The following ATP2A2 variants were observed in gnomAD, a reference collection of about 807,000 sequenced individuals.
ATP2A2 encodes ATPase sarcoplasmic/endoplasmic reticulum Ca2+ transporting 2.
A neutral mutation model predicts 109.3 loss-of-function variants in ATP2A2; 14 were observed. That is an observed-to-expected ratio of 0.13 (90% CI 0.08 to 0.20). The LOEUF (loss-of-function observed/expected upper bound fraction) is 0.20, where lower values mean the gene tolerates loss of function less well. Ranked by LOEUF, ATP2A2 falls within the 10% of genes least tolerant of loss-of-function variation. The probability of loss-of-function intolerance (pLI) is 1.00; values close to 1 mark genes in which losing one functional copy is unlikely to be tolerated. For synonymous variants in ATP2A2, 506 were observed against 490.9 expected (o/e 1.03, Z -0.41); for missense variants, 657 against 1,321.6 (o/e 0.50, Z 7.80).
At position 110,282,517 on chromosome 12, in the gene ATP2A2, A is replaced by G. The variant is rs191058402; in HGVS notation, c.119-87A>G. 412 of 1,512,758 alleles carry G rather than the reference A, an allele frequency of 2.7e-4. 2 individuals are homozygous for G. In the African/African-American group the frequency reaches 5.3e-3, roughly 20 times the overall value. 93.7% of individuals were successfully genotyped at this position (1,512,758 alleles called of 1,614,324 possible). ...GCTTAGAATTGTAGCAGTTCTTTTT[A>G]GAAAAACGAAGTGCTAAAATGTCTC... On this transcript the variant is annotated intron_variant, in intron 1 of 19. Transcript: ENST00000539276.
Position 110,327,605 on chromosome 12 carries a change from T to C in ATP2A2, c.683T>C (p.Val228Ala), listed in dbSNP as rs1352765498. 1.2e-6 allele frequency: 2 copies of C among 1,613,828 alleles called. No individual in the cohort carries two copies. The highest frequency in any genetic ancestry group is 3.3e-5 in the Admixed American group (2 of 59,954). ...ATGGGAGTGGTGGTAGCAACTGGAG[T>C]TAACACCGAAATTGGCAAGATCCGG... The part of the protein sequence containing the change: ...KAMGVVVATG[V>A]NTEIGKIRDE... The change falls in exon 8 of 20, where the codon GTT (valine) becomes GCT (alanine). Residue 228 changes from valine (V) to alanine (A), a missense_variant. Val to Ala is a moderately conservative substitution (Grantham distance 64, BLOSUM62 0). Coordinates refer to ENST00000539276, the MANE Select transcript of ATP2A2 (RefSeq NM_170665.4). The surrounding 1 kb of genome is among the most constrained non-coding windows in gnomAD (Gnocchi z 4.4).
At position 110,341,143 on chromosome 12, in the gene ATP2A2, G is replaced by A. The variant is rs892547155; in HGVS notation, c.2097+149G>A. 18 of 913,818 alleles carry A rather than the reference G, an allele frequency of 2.0e-5. No homozygotes were observed. In the African/African-American group the frequency reaches 2.6e-4, roughly 13 times the overall value. 56.6% of individuals were successfully genotyped at this position (913,818 alleles called of 1,614,324 possible). ...TTCTCTAGAATTCGGTGAATCAGTG[G>A]TTAGCATGTTGTGTGCTACTTGCAG... On this transcript the variant is annotated intron_variant, in intron 14 of 19. Coordinates refer to ENST00000539276, the MANE Select transcript of ATP2A2 (RefSeq NM_170665.4).
chr12:110,323,099 A>G lies in ATP2A2; in HGVS notation c.544+27A>G, dbSNP rs563659266. 9 of 1,545,662 alleles carry G rather than the reference A, an allele frequency of 5.8e-6. No homozygotes were observed. In the African/African-American group the frequency reaches 9.5e-5, roughly 16 times the overall value. ...TAAATATGATATATTAAGTCATTGA[A>G]TTTCTGAAGACCTTCGCATATTCCA... On this transcript the variant is annotated intron_variant, in intron 6 of 19. Coordinates refer to ENST00000539276, the MANE Select transcript of ATP2A2 (RefSeq NM_170665.4).
intron 5 of ATP2A2, among the ~76,000 whole-genome samples, chr12:110,307,235 TTTTTC>T (rs2137754250): frequency 6.8e-6 from 1 of 147,390 alleles, no homozygotes; most frequent in African/African-American, 2.5e-5. Flanking sequence ...TTTTTTTTTT[TTTTTC>T]TTTTTTTTTG....
intron 5 of ATP2A2, among the ~76,000 whole-genome samples, chr12:110,297,638 G>A (rs1184579412): frequency 6.6e-6 from 1 of 151,482 alleles, no homozygotes; most frequent in Non-Finnish European, 1.5e-5. Flanking sequence ...TGTTTTTTGA[G>A]ATGGGAGTCT....
Position 110,350,982 on chromosome 12 carries a change from C to T in ATP2A2, c.*4512C>T, listed in dbSNP as rs1394341897. On this transcript the variant is annotated 3_prime_UTR_variant, in exon 20 of 20. Coordinates refer to ENST00000539276, the MANE Select transcript of ATP2A2 (RefSeq NM_170665.4). ...AATGCTAAATGTCAATTTATCACTG[C>T]GCATGTTTGACTTTAGACTGTAAAT... 2.0e-5 allele frequency: 3 copies of T among 153,248 alleles called. No homozygotes were observed. The highest frequency in any genetic ancestry group is 4.8e-5 in the African/African-American group (2 of 41,454). The allele number at this position is 153,248 out of a possible 1,614,324, so 9.5% of individuals were successfully genotyped here. A position where few individuals can be genotyped will look rare whatever the true frequency, so the allele number is the denominator to read the frequency against.
chr12:110,309,709 C>G (rs1263750033), intron 5 of ATP2A2, among the ~76,000 whole-genome samples: 1 of 151,930 alleles, frequency 6.6e-6, no homozygotes, highest in Non-Finnish European at 1.5e-5. Flanking sequence ...AGTTTGAGAC[C>G]AGCCTGGGCA....
chr12:110,309,047 T>C (rs140294821), intron 5 of ATP2A2, among the ~76,000 whole-genome samples: 3 of 151,972 alleles, frequency 2.0e-5, no homozygotes, highest in African/African-American at 4.8e-5. Flanking sequence ...TTGGAAGATA[T>C]CTGGTAGGAT....
chr12:110,310,077 T>C (rs1875848776), intron 5 of ATP2A2, among the ~76,000 whole-genome samples: 1 of 152,194 alleles, frequency 6.6e-6, no homozygotes, highest in Non-Finnish European at 1.5e-5. Flanking sequence ...TTAAGCTTTC[T>C]GTATTATCTG....
Position 110,327,819 on chromosome 12 carries a change from A to C in ATP2A2, c.897A>C (p.Ala299=), listed in dbSNP as rs761165682. The C allele has an allele frequency of 6.2e-7, 1 of 1,614,190 alleles. No homozygotes were observed. The highest frequency in any genetic ancestry group is 1.3e-5 in the African/African-American group (1 of 75,058). Residue 299 remains alanine, a synonymous_variant, in exon 8 of 20, where the codon GCA becomes GCC. Transcript: ENST00000539276. This position sits in a 1 kb window ranked among gnomAD's most constrained non-coding sequence, Gnocchi z 4.4. The part of the protein sequence containing the change: ...IRGAIYYFKI[A]VALAVAAIPE... ...GTGCTATTTACTACTTTAAAATTGC[A>C]GTGGCCCTGGCTGTAGCAGCCATTC...
At chr12:110,326,679 A>G (rs189880008) in intron 7 of ATP2A2, among the ~76,000 whole-genome samples, 1 of 152,236 alleles carries the variant, frequency 6.6e-6, no homozygotes, top group Admixed American at 6.5e-5. Flanking sequence ...GGGACCAAAA[A>G]ATAATGACTA....
chr12:110,302,217 A>T (rs1874730515), intron 5 of ATP2A2, among the ~76,000 whole-genome samples: 1 of 152,080 alleles, frequency 6.6e-6, no homozygotes, highest in African/African-American at 2.4e-5. Context: ...TGGGACTGTC[A>T]CCATCCAGAA....
Position 110,342,408 on chromosome 12 carries a change from A to G in ATP2A2, c.2278A>G (p.Ile760Val). The part of the protein sequence containing the change: ...RAIYNNMKQF[I>V]RYLISSNVGE... ...AATCTACAACAACATGAAACAGTTC[A>G]TCCGCTACCTCATCTCGTCCAACGT... The change falls in exon 15 of 20, where the codon ATC becomes GTC. Residue 760 changes from isoleucine to valine, a missense_variant. By Grantham distance (29) the Ile-to-Val change is conservative. Coordinates refer to ENST00000539276, the MANE Select transcript of ATP2A2 (RefSeq NM_170665.4). This position sits in a 1 kb window ranked among gnomAD's most constrained non-coding sequence, Gnocchi z 4.6. 2.5e-6 allele frequency: 4 copies of G among 1,614,044 alleles called. No individual in the cohort carries two copies. Among genetic ancestry groups the G allele is most frequent in the Non-Finnish European group, 3.4e-6 (4 of 1,180,022 alleles).
At chr12:110,333,897 C>T in intron 10 of ATP2A2, 115 bp from the exon 11 acceptor site, 1 of 1,409,074 alleles carries the variant, frequency 7.1e-7, no homozygotes, top group South Asian at 1.2e-5. Context: ...TAAAAATGGC[C>T]TTACAGTGTT....
At position 110,347,689 on chromosome 12, in the gene ATP2A2, T is replaced by C; in HGVS notation, c.*1219T>C. On this transcript the variant is annotated 3_prime_UTR_variant, in exon 20 of 20. Coordinates refer to ENST00000539276, the MANE Select transcript of ATP2A2 (RefSeq NM_170665.4). ...CCACCACCACCGTTACTACGATCAA[T>C]GTTTGCGCATGTTCGAGATGAGTCT... is the stretch of plus-strand genomic sequence containing the variant. 8.5e-7 allele frequency: 1 copy of C among 1,170,420 alleles called. No homozygotes were observed. The highest frequency in any genetic ancestry group is 1.1e-6 in the Non-Finnish European group (1 of 932,308). 72.5% of individuals were successfully genotyped at this position (1,170,420 alleles called of 1,614,324 possible).
chr12:110,309,503 A>G (rs1875769466), intron 5 of ATP2A2, among the ~76,000 whole-genome samples: 1 of 152,200 alleles, frequency 6.6e-6, no homozygotes, highest in African/African-American at 2.4e-5. Context: ...ATCATTCCAA[A>G]GAGAAACTGG....
At chr12:110,322,021 C>T (rs1022923386) in intron 5 of ATP2A2, among the ~76,000 whole-genome samples, 14 of 151,918 alleles carry the variant, frequency 9.2e-5, no homozygotes, top group African/African-American at 2.7e-4. Flanking sequence ...GACGGAGTCT[C>T]GCTCTGCCGC....
At position 110,345,257 on chromosome 12, in the gene ATP2A2, C is replaced by T. The variant is rs1879733001; in HGVS notation, c.2616C>T (p.Phe872=). 1 of 1,614,030 alleles carries T rather than the reference C, an allele frequency of 6.2e-7. No individual in the cohort carries two copies. Among genetic ancestry groups the T allele is most frequent in the African/African-American group, 1.3e-5 (1 of 74,886 alleles). ...ATTGGATTTTCTTGCAGAGTCATTTCCTACAGTGTAAAGAGGACAACCCGG... is the reference window on the plus strand; with the variant it reads ...ATTGGATTTTCTTGCAGAGTCATTTTCTACAGTGTAAAGAGGACAACCCGG... The part of the protein sequence containing the change: ...PRVSFYQLSH[F]LQCKEDNPDF... The change falls in exon 18 of 20, where the codon TTC becomes TTT. Residue 872 remains phenylalanine, a synonymous_variant. Transcript: ENST00000539276.
intron 1 of ATP2A2, among the ~76,000 whole-genome samples, chr12:110,282,359 T>C (rs544241409): frequency 1.2e-4 from 19 of 152,212 alleles, no homozygotes; most frequent in Non-Finnish European, 1.8e-4. Context: ...CCGAAGTGAT[T>C]TCACGCTTAG....
Sources: gnomAD v4.1 joint callset for allele counts (sites outside exome capture counted in the v4.1 genomes callset) on GRCh38, gnomAD v4.1.1 for gene constraint, Gnocchi (gnomAD v3.1) non-coding constraint, MANE v1.5 for transcripts, NCBI Gene and HGNC (gene_info 2026-07-23, HGNC 2026-07-21) for gene names.